SYNE1: variants seen among roughly 807,000 people sequenced by gnomAD.
SYNE1 encodes spectrin repeat containing nuclear envelope protein 1.
SYNE1 carries 616 observed loss-of-function variants against 1,111.0 expected under a neutral mutation model. The observed-to-expected ratio is 0.55, with a 90% CI of 0.52 to 0.59. The LOEUF is 0.59. SYNE1 is among the 20% of genes least tolerant of loss of function. The pLI is 0.00. For missense variants in SYNE1, 10,006 were observed against 10,417.0 expected, an observed-to-expected ratio of 0.96 and a Z score of 1.72; for synonymous variants, 3,855 against 3,825.8, an observed-to-expected ratio of 1.01 and a Z score of -0.28.
intron 53 of SYNE1, among the ~76,000 whole-genome samples, chr6:152,388,588 G>C (rs2097559093): frequency 6.6e-6 from 1 of 152,106 alleles, no homozygotes; most frequent in Non-Finnish European, 1.5e-5. Context: ...CATGAGCCAA[G>C]ACTCTGCATT....
chr6:152,242,830 T>A (rs763544088), intron 106 of SYNE1, among the ~76,000 whole-genome samples: 2 of 151,958 alleles, frequency 1.3e-5, no homozygotes, highest in Non-Finnish European at 2.9e-5. Flanking sequence ...TTCATAAAAA[T>A]GTAAGTATGA....
chr6:152,367,259 A>C lies in SYNE1; in HGVS notation c.9931T>G (p.Ser3311Ala). ...CTGCTGTCCAGCACACTTTTGTCGG[A>C]TGTCGGGTGGCAGTATGAATCCAGC... ...HMLDSYCHPT[S>A]DKSVLDSRTL... The change falls in exon 62 of 146, where the codon TCC becomes GCC. Residue 3311 changes from serine (S) to alanine (A), a missense_variant. Ser to Ala is a moderately conservative substitution (Grantham distance 99). Coordinates refer to ENST00000367255, the MANE Select transcript of SYNE1 (RefSeq NM_182961.4). 1 of 1,614,228 alleles carries C rather than the reference A, an allele frequency of 6.2e-7. No homozygotes were observed. Among genetic ancestry groups the C allele is most frequent in the Non-Finnish European group, 8.5e-7 (1 of 1,180,036 alleles).
At chr6:152,511,627 T>C (rs190921175) in intron 6 of SYNE1, 34 of 1,599,824 alleles carry the variant, frequency 2.1e-5, no homozygotes, top group Non-Finnish European at 2.8e-5. Context: ...ATAATAGATA[T>C]ACATAAATCA....
At chr6:152,540,879 T>C (rs1285955059) in intron 3 of SYNE1, among the ~76,000 whole-genome samples, 1 of 152,198 alleles carries the variant, frequency 6.6e-6, no homozygotes, top group Non-Finnish European at 1.5e-5. Flanking sequence ...ATGAATTCTG[T>C]TAACATTGTG....
Position 152,284,142 on chromosome 6 carries a change from C to T in SYNE1, c.18043G>A (p.Asp6015Asn), listed in dbSNP as rs2094188115. The stretch of plus-strand genomic sequence containing the variant: ...GAGGACTGGAGCTCATTGATTTCAT[C>T]CTGGAGCATGAGAATCTCATCCATC... The part of the protein sequence containing the change: ...ALMDEILMLQ[D>N]EINELQSSLA... The change falls in exon 96 of 146, where the codon GAT becomes AAT. Residue 6015 changes from aspartate to asparagine, a missense_variant. Physicochemically the swap from Asp to Asn is conservative, Grantham distance 23 (BLOSUM62 1). Coordinates refer to ENST00000367255, the MANE Select transcript of SYNE1 (RefSeq NM_182961.4). The T allele has an allele frequency of 1.9e-6, 3 of 1,614,086 alleles. No homozygotes were observed. Among genetic ancestry groups the T allele is most frequent in the Admixed American group, 1.7e-5 (1 of 60,008 alleles).
At chr6:152,241,500 C>CCG (rs2085646133) in intron 107 of SYNE1, among the ~76,000 whole-genome samples, 2 of 74,176 alleles carry the variant, frequency 2.7e-5, no homozygotes, top group Non-Finnish European at 4.9e-5. Context: ...AATGCAAGAG[C>CCG]TGTGTGTGTG....
chr6:152,488,184 A>G (rs1269672120), intron 12 of SYNE1, among the ~76,000 whole-genome samples: 3 of 152,234 alleles, frequency 2.0e-5, no homozygotes, highest in South Asian at 2.1e-4. Context: ...AGTGCTCCAT[A>G]TATAGTGTGG....
chr6:152,399,582 C>T, intron 48 of SYNE1, 34 bp downstream of exon 48: 1 of 1,611,952 alleles, frequency 6.2e-7, no homozygotes, highest in Non-Finnish European at 8.5e-7. Flanking sequence ...TTCTCGGAAA[C>T]AAACTACTCA....
At chr6:152,293,471 G>T in intron 95 of SYNE1, 117 bp downstream of exon 95, 1 of 1,085,248 alleles carries the variant, frequency 9.2e-7, no homozygotes, top group Admixed American at 1.7e-5. Flanking sequence ...GAACTGATAA[G>T]GTTAAAAAAT....
At chr6:152,329,295 G>A (rs1332477177) in intron 78 of SYNE1, among the ~76,000 whole-genome samples, 1 of 152,212 alleles carries the variant, frequency 6.6e-6, no homozygotes, top group Admixed American at 6.5e-5. Context: ...GGAGGCCAAG[G>A]CAGGCAGATC....
intron 3 of SYNE1, among the ~76,000 whole-genome samples, chr6:152,549,134 T>TCAA (rs2099328391): frequency 6.6e-6 from 1 of 152,118 alleles, no homozygotes. Flanking sequence ...CCAAGTGAAG[T>TCAA]CAACAAACTG....
chr6:152,338,262 A>C (rs1320066031), intron 75 of SYNE1, among the ~76,000 whole-genome samples: 2 of 152,188 alleles, frequency 1.3e-5, no homozygotes, highest in African/African-American at 4.8e-5. Flanking sequence ...TTTCCTGTGA[A>C]TCATTTTACT....
In SYNE1 at chr6:152,134,988, A is replaced by G. The variant is rs2056723214; in HGVS notation, c.25788+116T>C. 3 of 1,430,674 alleles carry G rather than the reference A, an allele frequency of 2.1e-6. No homozygotes were observed. The Admixed American group carries it at 5.3e-5, about 25-fold the overall frequency. 88.6% of individuals were successfully genotyped at this position (1,430,674 alleles called of 1,614,324 possible). On this transcript the variant is annotated intron_variant, in intron 142 of 145. Coordinates refer to ENST00000367255, the MANE Select transcript of SYNE1 (RefSeq NM_182961.4). ...GTTAAAAAAGTGTAAAGTAGAGACTATAATGCAAAAAGTTAAAAAAAAAGA... is the reference window on the plus strand; with the variant it reads ...GTTAAAAAAGTGTAAAGTAGAGACTGTAATGCAAAAAGTTAAAAAAAAAGA...
chr6:152,628,460 T>C lies in SYNE1; in HGVS notation c.-129A>G, dbSNP rs369402320. ...CTGTCATAAATGAATTCCAGGCCTT[T>C]GCAGCACTCAACAAGGAGGCAGCTC... On this transcript the variant is annotated 5_prime_UTR_variant, in exon 3 of 146. Coordinates refer to ENST00000367255, the MANE Select transcript of SYNE1 (RefSeq NM_182961.4). The C allele has an allele frequency of 3.8e-5, 34 of 904,950 alleles. No individual in the cohort carries two copies. Among genetic ancestry groups the C allele is most frequent in the East Asian group, 1.8e-4 (7 of 39,958 alleles). The allele number at this position is 904,950 out of a possible 1,614,324, so 56.1% of individuals were successfully genotyped here. A position where few individuals can be genotyped will look rare whatever the true frequency, so the allele number is the denominator to read the frequency against.
rs748882675 is a variant in SYNE1, at chr6:152,326,507, C to T, written c.15082G>A (p.Ala5028Thr). The change falls in exon 79 of 146, where the codon GCA becomes ACA. Residue 5028 changes from alanine to threonine, a missense_variant. Around this residue, in one of 7 missense-constraint regions of SYNE1, gnomAD observed 4,955 missense variants for 5,017.2 expected, o/e 0.99. Transcript: ENST00000367255. ...ATGTGGCTTTTGAGATTTTCCTCTG[C>T]GCTCTCCACGTCTAGGCCATTGCCT... The part of the protein sequence containing the change: ...LAGNGLDVES[A>T]EENLKSHMEF... 40 of 1,614,090 alleles carry T rather than the reference C, an allele frequency of 2.5e-5. No individual in the cohort carries two copies. The highest frequency in any genetic ancestry group is 3.0e-5 in the Non-Finnish European group (35 of 1,180,054).
Position 152,219,127 on chromosome 6 carries a change from C to T in SYNE1, c.21920G>A (p.Gly7307Glu). ...ATCCACTTGTTGCTTCAGTTGCTCT[C>T]CCAGCTCATGGAGAAAAAAGAGGGA... is the stretch of plus-strand genomic sequence containing the variant. ...KDSLFFLHEL[G>E]EQLKQQVDAS... The change falls in exon 120 of 146, where the codon GGA (glycine) becomes GAA (glutamate). Residue 7307 changes from glycine (G) to glutamate (E), a missense_variant. Physicochemically the swap from Gly to Glu is moderately conservative, Grantham distance 98 (BLOSUM62 -2). Transcript: ENST00000367255. 1 of 1,614,096 alleles carries T rather than the reference C, an allele frequency of 6.2e-7. No homozygotes were observed. Among genetic ancestry groups the T allele is most frequent in the East Asian group, 2.2e-5 (1 of 44,868 alleles).
At chr6:152,362,444 C>G in intron 63 of SYNE1, 121 bp from the exon 64 acceptor site, 1 of 1,381,006 alleles carries the variant, frequency 7.2e-7, no homozygotes, top group Non-Finnish European at 1.0e-6. Flanking sequence ...AAGAAGCTTG[C>G]TTGGGAGTGA....
At chr6:152,161,797 C>T (rs9397488) in intron 131 of SYNE1, among the ~76,000 whole-genome samples, 3,814 of 152,142 alleles carry the variant, frequency 0.025, 186 homozygotes, top group South Asian at 0.16. Context: ...TTCTGGGTTA[C>T]CTTAAGTATC....
rs147744631 is a variant in SYNE1 at position 152,612,785 on chromosome 6, A to C, written c.67+15480T>G. Among the ~76,000 whole-genome samples the C allele has an allele frequency of 5.1e-3, 782 of 152,316 alleles. 7 individuals carry two copies. Among genetic ancestry groups the C allele is most frequent in the African/African-American group, 0.018 (742 of 41,566 alleles). ...CAAACCGAATCCAGCATCCCATCAAAAAGCTTATCCACCATGATCAAGCTG... is the reference window on the plus strand; with the variant it reads ...CAAACCGAATCCAGCATCCCATCAACAAGCTTATCCACCATGATCAAGCTG... On this transcript the variant is annotated intron_variant, in intron 3 of 145. Transcript: ENST00000367255.
Sources: gnomAD v4.1 joint callset for allele counts (sites outside exome capture counted in the v4.1 genomes callset) on GRCh38, gnomAD v4.1.1 for gene constraint, gnomAD v4.1.1 regional missense constraint, MANE v1.5 for transcripts, NCBI Gene and HGNC (gene_info 2026-07-23, HGNC 2026-07-21) for gene names.